Variants in DYSF observed in about 807,000 individuals in gnomAD.
DYSF encodes dystrophy-associated fer-1-like 1.
Under a neutral mutation model 274.9 loss-of-function variants are expected in DYSF, and 212 were observed. The ratio of observed to expected loss-of-function variants is 0.77; its 90% CI spans 0.69 to 0.86. The LOEUF is 0.86. DYSF is among the 40% of genes least tolerant of loss of function. The pLI is 0.00. For synonymous variants in DYSF, 1,091 were observed against 1,078.7 expected, an observed-to-expected ratio of 1.01 and a Z score of -0.22; for missense variants, 2,666 against 2,783.2, an observed-to-expected ratio of 0.96 and a Z score of 0.95.
At chr2:71,590,088 T>C in intron 31 of DYSF, 123 bp from the exon 32 acceptor site, 1 of 925,804 alleles carries the variant, frequency 1.1e-6, no homozygotes, top group Non-Finnish European at 1.8e-6. Flanking sequence ...CCTGTGTGGT[T>C]TCCCTCATTC....
chr2:71,567,863 G>T, intron 24 of DYSF, 88 bp from the exon 25 acceptor site: 2 of 1,573,386 alleles, frequency 1.3e-6, no homozygotes, highest in Non-Finnish European at 1.7e-6. Context: ...CTCTACCCAG[G>T]CTTGGAGGAC....
intron 12 of DYSF, 37 bp from the exon 13 acceptor site, chr2:71,526,183 G>C (rs1330698420): frequency 1.9e-6 from 3 of 1,614,180 alleles, no homozygotes; most frequent in South Asian, 1.1e-5. Context: ...CTGTGCTCAG[G>C]AGCGCATGAA....
intron 41 of DYSF, among the ~76,000 whole-genome samples, chr2:71,637,785 A>G (rs773367919): frequency 6.6e-6 from 1 of 152,226 alleles, no homozygotes; most frequent in African/African-American, 2.4e-5. Flanking sequence ...AAAGCATTGT[A>G]GGACCAAGAA....
At chr2:71,488,803 T>C (rs2083566191) in intron 3 of DYSF, among the ~76,000 whole-genome samples, 1 of 152,202 alleles carries the variant, frequency 6.6e-6, no homozygotes, top group African/African-American at 2.4e-5. Context: ...CTGGTGACTC[T>C]GTAAAGTGGG....
At chr2:71,571,417 GAT>G (rs2092435772) in intron 29 of DYSF, among the ~76,000 whole-genome samples, 1 of 103,774 alleles carries the variant, frequency 9.6e-6, no homozygotes, top group South Asian at 3.4e-4. Flanking sequence ...AGCACACACA[GAT>G]CACAGTCAGC....
chr2:71,521,697 C>T (rs548798838), intron 12 of DYSF, among the ~76,000 whole-genome samples: 1 of 152,260 alleles, frequency 6.6e-6, no homozygotes, highest in African/African-American at 2.4e-5. Context: ...CCCATCCTCA[C>T]CACACACTGG....
intron 48 of DYSF, among the ~76,000 whole-genome samples, chr2:71,668,486 T>C (rs1183927569): frequency 6.6e-6 from 1 of 152,154 alleles, no homozygotes; most frequent in Non-Finnish European, 1.5e-5. Context: ...GCCATTCCCC[T>C]GGCTGCCAAG....
chr2:71,545,926 G>C (rs116036025), intron 17 of DYSF, among the ~76,000 whole-genome samples: 250 of 152,296 alleles, frequency 1.6e-3, no homozygotes, highest in African/African-American at 5.8e-3. Context: ...ATTCAAAGTC[G>C]GGACCACCTT....
intron 16 of DYSF, among the ~76,000 whole-genome samples, chr2:71,535,989 G>A (rs991495017): frequency 6.6e-6 from 1 of 152,146 alleles, no homozygotes; most frequent in Non-Finnish European, 1.5e-5. Flanking sequence ...TGACCTGCCC[G>A]AGCTGACAGC....
Position 71,667,297 on chromosome 2 carries a change from C to G in DYSF, c.5318-79C>G, listed in dbSNP as rs962873733. ...TTCTTATGACTCTTAGGCAGCCCTG[C>G]TCAGCCTGTTCACTGGGCAGCCCCA... On this transcript the variant is annotated intron_variant, in intron 47 of 55. Transcript: ENST00000410020. 1.9e-5 allele frequency: 31 copies of G among 1,605,564 alleles called. No individual in the cohort carries two copies. The African/African-American group carries it at 3.6e-4, about 19-fold the overall frequency.
intron 12 of DYSF, among the ~76,000 whole-genome samples, chr2:71,521,304 A>G (rs2087246806): frequency 6.6e-6 from 1 of 152,386 alleles, no homozygotes; most frequent in South Asian, 2.1e-4. Flanking sequence ...AGGTGGTAAG[A>G]ATGAGAAAAA....
chr2:71,572,351 G>C (rs1342667902), intron 29 of DYSF, among the ~76,000 whole-genome samples: 3 of 146,386 alleles, frequency 2.0e-5, no homozygotes, highest in African/African-American at 7.6e-5. Context: ...ATCACACCCA[G>C]CACAGATCAC....
rs539484245 is a variant in DYSF, at chr2:71,480,889, A to G, written c.98A>G (p.Lys33Arg). The G allele has an allele frequency of 1.9e-5, 30 of 1,613,936 alleles. No individual in the cohort carries two copies. Among genetic ancestry groups the G allele is most frequent in the Admixed American group, 5.0e-5 (3 of 60,008 alleles). The change falls in exon 2 of 56, where the codon AAG becomes AGG. Residue 33 changes from lysine to arginine, a missense_variant. By Grantham distance (26) the Lys-to-Arg change is conservative (BLOSUM62 2). This residue lies in a region of DYSF where 794 missense variants were observed against 777.1 expected (regional missense o/e 1.02). Transcript: ENST00000410020. Reference sequence around the variant, plus strand: ...CCTTTTGTGTCTCTTGTAGGGGTGAAGAAGAGAACCAAAGTCATCAAGAAC... The same window carrying G: ...CCTTTTGTGTCTCTTGTAGGGGTGAGGAAGAGAACCAAAGTCATCAAGAAC... The part of the protein sequence containing the change: ...PVASLTFRGV[K>R]KRTKVIKNSV...
Position 71,520,796 on chromosome 2 carries a change from C to A in DYSF, c.1041C>A (p.Ala347=), listed in dbSNP as rs1553525671. The A allele has an allele frequency of 1.9e-6, 3 of 1,614,006 alleles. No homozygotes were observed. The highest frequency in any genetic ancestry group is 2.5e-6 in the Non-Finnish European group (3 of 1,179,976). Residue 347 remains alanine, a synonymous_variant, in exon 12 of 56, where the codon GCC becomes GCA. Transcript: ENST00000410020. ...GGATGTTGTCTCTCTTAGGGCACGC[C>A]TATCTCAGGAAGTGGCTGCTGCTCT... ...VGTIYREPRH[A]YLRKWLLLSD...
chr2:71,596,215 G>A (rs1395077236), intron 32 of DYSF, among the ~76,000 whole-genome samples: 1 of 152,014 alleles, frequency 6.6e-6, no homozygotes, highest in Admixed American at 6.6e-5. Context: ...TCCCCCCAGC[G>A]CTGAGCTCAT....
chr2:71,599,230 C>G (rs926579196), intron 33 of DYSF, among the ~76,000 whole-genome samples: 6 of 152,190 alleles, frequency 3.9e-5, no homozygotes, highest in African/African-American at 1.4e-4. Context: ...GGCAGGGCCT[C>G]TTACCACAAC....
rs189351199 is a variant in DYSF, at chr2:71,674,446, C to T, written c.5884+150C>T. On this transcript the variant is annotated intron_variant, in intron 52 of 55. Coordinates refer to ENST00000410020, the MANE Select transcript of DYSF (RefSeq NM_001130987.2). The stretch of plus-strand genomic sequence containing the variant: ...TCAGGGAGCTCAGGGTCATGTGTCC[C>T]CAGTGTTAAGTGAGGTGTATGACAC... The T allele has an allele frequency of 3.2e-4, 244 of 764,842 alleles. 2 individuals are homozygous for T. In the East Asian group the frequency reaches 6.4e-3, roughly 20 times the overall value. 47.4% of individuals were successfully genotyped at this position (764,842 alleles called of 1,614,324 possible).
rs546819888 is a variant in DYSF at position 71,497,509 on chromosome 2, C to T, written c.240-5705C>T. Among the ~76,000 whole-genome samples the T allele has an allele frequency of 4.8e-4, 73 of 152,296 alleles. 1 individual carries two copies. Among genetic ancestry groups the T allele is most frequent in the African/African-American group, 1.7e-3 (69 of 41,540 alleles). ...ATGTAAAGAAGGACATGTTTGCTTC[C>T]CCTTCCCCCATGATTGTAAGTTTCC... On this transcript the variant is annotated intron_variant, in intron 3 of 55. Transcript: ENST00000410020.
intron 24 of DYSF, 123 bp downstream of exon 24, chr2:71,564,336 G>A: frequency 7.3e-7 from 1 of 1,372,126 alleles, no homozygotes; most frequent in East Asian, 2.4e-5. Context: ...GTCTTGGAAG[G>A]AGAAGAGGTC....
Sources: allele counts gnomAD v4.1 joint callset (sites outside exome capture counted in the v4.1 genomes callset), GRCh38; gene constraint gnomAD v4.1.1; regional missense constraint gnomAD v4.1.1; transcripts MANE v1.5; gene names NCBI Gene and HGNC (gene_info 2026-07-23, HGNC 2026-07-21).